NLN: variants seen among roughly 807,000 people sequenced by gnomAD.
The protein encoded by NLN is neurolysin, mitochondrial.
Under a neutral mutation model 79.9 loss-of-function variants are expected in NLN, and 64 were observed. The observed-to-expected ratio is 0.80, with a 90% confidence interval of 0.65 to 0.99. The LOEUF (loss-of-function observed/expected upper bound fraction) is 0.99, where lower values mean the gene tolerates loss of function less well. NLN is among the 50% of genes least tolerant of loss of function. The pLI is 0.00. For synonymous variants in NLN, 267 were observed against 296.6 expected (o/e 0.90, Z 1.02); for missense variants, 835 against 858.7 (o/e 0.97, Z 0.34).
At chr5:65,744,342 A>C (rs1486763571) in intron 1 of NLN, among the ~76,000 whole-genome samples, 2 of 152,094 alleles carry the variant, frequency 1.3e-5, no homozygotes, top group Non-Finnish European at 2.9e-5. Flanking sequence ...TCTTCCTCAC[A>C]AGTCTGTACT....
At chr5:65,755,011 C>T (rs901599374) in intron 1 of NLN, among the ~76,000 whole-genome samples, 3 of 152,132 alleles carry the variant, frequency 2.0e-5, no homozygotes, top group Admixed American at 6.5e-5. Context: ...AACTGCTTAA[C>T]CCTTGAAGTC....
chr5:65,778,085 A>T (rs777367935), intron 4 of NLN, among the ~76,000 whole-genome samples: 1 of 152,130 alleles, frequency 6.6e-6, no homozygotes, highest in Non-Finnish European at 1.5e-5. Context: ...CCTTGGTCAT[A>T]CAGAGATGGG....
rs1760860487 is a variant in NLN, at chr5:65,823,971, T to C, written c.*1056T>C. The C allele has an allele frequency of 6.6e-6, 1 of 152,210 alleles. No homozygotes were observed. Among genetic ancestry groups the C allele is most frequent in the Non-Finnish European group, 1.5e-5 (1 of 68,048 alleles). 9.4% of individuals were successfully genotyped at this position (152,210 alleles called of 1,614,324 possible). On this transcript the variant is annotated 3_prime_UTR_variant, in exon 13 of 13. Transcript: ENST00000380985. Reference sequence around the variant, plus strand: ...TGAAACTTAACCACGGGGAAGAGACTCTTCAGTAGCCTGTTCTGTCTGGTG... The same window carrying C: ...TGAAACTTAACCACGGGGAAGAGACCCTTCAGTAGCCTGTTCTGTCTGGTG...
intron 1 of NLN, among the ~76,000 whole-genome samples, chr5:65,728,724 TAA>T (rs1758536720): frequency 6.6e-6 from 1 of 152,248 alleles, no homozygotes; most frequent in African/African-American, 2.4e-5. Context: ...GTATAATTCC[TAA>T]ACAAAAATTC....
chr5:65,771,845 C>T (rs548900230), intron 3 of NLN, among the ~76,000 whole-genome samples: 10 of 151,830 alleles, frequency 6.6e-5, no homozygotes, highest in African/African-American at 1.9e-4. Flanking sequence ...GGCAAAACCC[C>T]GTCTCTACCA....
At chr5:65,788,992 T>C (rs1358859246) in intron 8 of NLN, among the ~76,000 whole-genome samples, 2 of 149,998 alleles carry the variant, frequency 1.3e-5, no homozygotes, top group Non-Finnish European at 3.0e-5. Context: ...AAATGAAAAA[T>C]TAGCCAGGTG....
At chr5:65,802,769 C>G (rs1490880091) in intron 9 of NLN, among the ~76,000 whole-genome samples, 1 of 152,122 alleles carries the variant, frequency 6.6e-6, no homozygotes, top group African/African-American at 2.4e-5. Flanking sequence ...TGTGAGTGTT[C>G]AGCTATCAGC....
intron 9 of NLN, among the ~76,000 whole-genome samples, chr5:65,798,957 T>G (rs1392936578): frequency 1.3e-5 from 2 of 152,314 alleles, no homozygotes; most frequent in East Asian, 1.9e-4. Context: ...CATGGCTCAC[T>G]GTAGCCTCCA....
At chr5:65,724,959 G>C (rs1360955133) in intron 1 of NLN, among the ~76,000 whole-genome samples, 2 of 151,512 alleles carry the variant, frequency 1.3e-5, no homozygotes, top group South Asian at 4.2e-4. Flanking sequence ...CCGCAACCAC[G>C]CCCGGCTAAT....
chr5:65,754,805 A>G (rs1422915617), intron 1 of NLN, among the ~76,000 whole-genome samples: 2 of 152,128 alleles, frequency 1.3e-5, no homozygotes, highest in Admixed American at 6.6e-5. Context: ...TTTGAGGCTC[A>G]TCATCTGGTT....
intron 1 of NLN, among the ~76,000 whole-genome samples, chr5:65,736,487 A>G (rs1196929360): frequency 1.3e-5 from 2 of 152,308 alleles, no homozygotes; most frequent in African/African-American, 4.8e-5. Flanking sequence ...ATAATGCCCA[A>G]TTCTTTTTCC....
Position 65,772,094 on chromosome 5 carries a change from T to G in NLN, c.451-5333T>G, listed in dbSNP as rs187226206. ...AATACTACTAAACTTACAATTTTTTTGGGGTCTTAAAAGCCTAGGGATCCA... is the reference window on the plus strand; with the variant it reads ...AATACTACTAAACTTACAATTTTTTGGGGGTCTTAAAAGCCTAGGGATCCA... On this transcript the variant is annotated intron_variant, in intron 3 of 12. Transcript: ENST00000380985. Among the ~76,000 whole-genome samples, 629 of 152,298 alleles carry G rather than the reference T, an allele frequency of 4.1e-3. 4 individuals carry two copies. The highest frequency in any genetic ancestry group is 0.018 in the East Asian group (91 of 5,188).
At chr5:65,799,945 T>C (rs2150768421) in intron 9 of NLN, among the ~76,000 whole-genome samples, 2 of 152,282 alleles carry the variant, frequency 1.3e-5, no homozygotes, top group South Asian at 4.1e-4. Flanking sequence ...CCTTGTTATA[T>C]AAACTTCTCC....
intron 1 of NLN, among the ~76,000 whole-genome samples, chr5:65,747,567 A>G (rs1485199276): frequency 6.6e-6 from 1 of 152,128 alleles, no homozygotes. Flanking sequence ...GTGAAACTAC[A>G]ATTGGAAGCC....
chr5:65,812,960 CA>C (rs1404745812), intron 12 of NLN, among the ~76,000 whole-genome samples: 1 of 152,204 alleles, frequency 6.6e-6, no homozygotes, highest in Non-Finnish European at 1.5e-5. Context: ...TCCTGATTTA[CA>C]GCCCCCAATC....
intron 9 of NLN, among the ~76,000 whole-genome samples, chr5:65,796,642 T>C (rs1020429005): frequency 2.6e-5 from 4 of 152,232 alleles, no homozygotes; most frequent in Non-Finnish European, 5.9e-5. Flanking sequence ...GCCTGTAATA[T>C]TTTAAGAACT....
chr5:65,787,115 T>C (rs12653734), intron 7 of NLN, among the ~76,000 whole-genome samples: 6,041 of 152,164 alleles, frequency 0.04, 156 homozygotes, highest in African/African-American at 0.067. Flanking sequence ...TAATTTGAGA[T>C]TGGCATATTC....
chr5:65,751,171 C>T (rs1473809089), intron 1 of NLN, among the ~76,000 whole-genome samples: 1 of 152,088 alleles, frequency 6.6e-6, no homozygotes, highest in Non-Finnish European at 1.5e-5. Flanking sequence ...AGAATTGGGA[C>T]AAATTTCTGG....
intron 12 of NLN, 130 bp downstream of exon 12, chr5:65,812,521 C>T (rs1266734538): frequency 3.2e-6 from 2 of 626,086 alleles, no homozygotes; most frequent in East Asian, 5.4e-5. Flanking sequence ...CTCTGAGGCC[C>T]TGCATCTTTC....
Sources: allele counts gnomAD v4.1 joint callset (sites outside exome capture counted in the v4.1 genomes callset), GRCh38; gene constraint gnomAD v4.1.1; transcripts MANE v1.5; gene names NCBI Gene and HGNC (gene_info 2026-07-23, HGNC 2026-07-21).